FBXO38: variants seen among roughly 807,000 people sequenced by gnomAD.
FBXO38 encodes F-box only protein 38.
In FBXO38, 53 loss-of-function variants were observed where a neutral mutation model predicts 131.9. The observed-to-expected ratio is 0.40, with a 90% CI of 0.32 to 0.51. The LOEUF (loss-of-function observed/expected upper bound fraction) is 0.51, where lower values mean the gene tolerates loss of function less well. Among genes scored for constraint, FBXO38 ranks in the 20% least tolerant of loss-of-function variants. The pLI, the probability that FBXO38 is intolerant of heterozygous loss-of-function variation, is 0.53. For missense variants in FBXO38, 1,076 were observed against 1,475.6 expected, an observed-to-expected ratio of 0.73 and a Z score of 4.44; for synonymous variants, 452 against 505.6, an observed-to-expected ratio of 0.89 and a Z score of 1.42.
At chr5:148,413,118 AC>A (rs1752852615) in intron 9 of FBXO38, 1 of 152,172 alleles carries the variant, frequency 6.6e-6, no homozygotes, top group Admixed American at 6.5e-5. Flanking sequence ...AATGATCCTT[AC>A]CAGGAGCTAA....
At chr5:148,425,486 C>G (rs1211563241) in intron 13 of FBXO38, 36 bp from the exon 14 acceptor site, 2 of 1,558,766 alleles carry the variant, frequency 1.3e-6, no homozygotes, top group Non-Finnish European at 1.8e-6. Context: ...CTTTCTTGCG[C>G]AAAAAGTAAC....
At chr5:148,408,413 A>G (rs568098063) in intron 7 of FBXO38, among the ~76,000 whole-genome samples, 13 of 152,346 alleles carry the variant, frequency 8.5e-5, no homozygotes, top group Non-Finnish European at 1.5e-5. Context: ...TCACCAAAAG[A>G]CATTTTTAAG....
In FBXO38 at chr5:148,442,834, T is replaced by C. The variant is rs1033641927; in HGVS notation, c.*687T>C. The C allele has an allele frequency of 1.1e-4, 17 of 152,150 alleles. No individual in the cohort carries two copies. Among genetic ancestry groups the C allele is most frequent in the African/African-American group, 4.1e-4 (17 of 41,430 alleles). The allele number at this position is 152,150 out of a possible 1,614,324, so 9.4% of individuals were successfully genotyped here. A position where few individuals can be genotyped will look rare whatever the true frequency, so the allele number is the denominator to read the frequency against. On this transcript the variant is annotated 3_prime_UTR_variant, in exon 22 of 22. Coordinates refer to ENST00000340253, the MANE Select transcript of FBXO38 (RefSeq NM_205836.3). ...TATAAAATAAAAGTTTATTAAAAAC[T>C]TTTCTCTTGCCTTGGACCTGAATCC...
chr5:148,424,179 A>G, intron 13 of FBXO38, 62 bp downstream of exon 13: 1 of 1,510,768 alleles, frequency 6.6e-7, no homozygotes, highest in East Asian at 2.3e-5. Context: ...GTAATGAAGT[A>G]CATGAGACAG....
intron 15 of FBXO38, 32 bp from the exon 16 acceptor site, chr5:148,433,392 A>G: frequency 6.6e-7 from 1 of 1,521,548 alleles, no homozygotes; most frequent in African/African-American, 1.4e-5. Flanking sequence ...CAAGGCTAAA[A>G]TTTGGATTTT....
chr5:148,406,886 C>A (rs140736364), intron 7 of FBXO38, among the ~76,000 whole-genome samples: 26 of 152,180 alleles, frequency 1.7e-4, no homozygotes, highest in African/African-American at 6.3e-4. Context: ...AAAAGTTGTT[C>A]TGTGTATACT....
chr5:148,437,585 A>G (rs1403172743), intron 17 of FBXO38, among the ~76,000 whole-genome samples: 1 of 152,210 alleles, frequency 6.6e-6, no homozygotes, highest in Non-Finnish European at 1.5e-5. Flanking sequence ...ATCTCTCTCA[A>G]GTTGGACCTG....
At chr5:148,384,300 G>A (rs1757795871) in intron 1 of FBXO38, among the ~76,000 whole-genome samples, 1 of 152,168 alleles carries the variant, frequency 6.6e-6, no homozygotes, top group Admixed American at 6.5e-5. Context: ...CTCTCTCTGG[G>A]CCCCAGTTTC....
At chr5:148,393,626 G>A (rs560122436) in intron 1 of FBXO38, among the ~76,000 whole-genome samples, 40 of 152,132 alleles carry the variant, frequency 2.6e-4, no homozygotes, top group Admixed American at 1.8e-3. Context: ...GCTCATTTGC[G>A]TGGTTATTTA....
In FBXO38 at chr5:148,406,298, T is replaced by A; in HGVS notation, c.772T>A (p.Leu258Ile). 2 of 1,610,272 alleles carry A rather than the reference T, an allele frequency of 1.2e-6. No homozygotes were observed. The highest frequency in any genetic ancestry group is 1.7e-6 in the Non-Finnish European group (2 of 1,178,280). Residue 258 changes from leucine to isoleucine, a missense_variant, in exon 7 of 22, where the codon TTA (leucine) becomes ATA (isoleucine). Leu to Ile is a conservative substitution (Grantham distance 5). Around this residue, in one of 8 missense-constraint regions of FBXO38, gnomAD observed 66 missense variants for 72.4 expected, o/e 0.91. Coordinates refer to ENST00000340253, the MANE Select transcript of FBXO38 (RefSeq NM_205836.3). The stretch of plus-strand genomic sequence containing the variant: ...GAAATATGTCCCTTTAGTAACAGGC[T>A]TAGCCTCTGCCCGAAACTTGGAACA... ...SLKYVPLVTG[L>I]ASARNLEHLE... is the part of the protein sequence containing the mutation.
chr5:148,425,378 G>A (rs1753652343), intron 13 of FBXO38, 144 bp from the exon 14 acceptor site: 1 of 583,312 alleles, frequency 1.7e-6, no homozygotes, highest in Non-Finnish European at 3.1e-6. Context: ...TTATCCAAGT[G>A]CATTATCAGT....
At chr5:148,413,076 G>T (rs1391365883) in intron 9 of FBXO38, among the ~76,000 whole-genome samples, 1 of 152,068 alleles carries the variant, frequency 6.6e-6, no homozygotes, top group Non-Finnish European at 1.5e-5. Flanking sequence ...AAGGAAAATG[G>T]TAAGTTTCAT....
At chr5:148,434,605 G>GTATGTA (rs768714606) in intron 17 of FBXO38, 3 of 152,180 alleles carry the variant, frequency 2.0e-5, no homozygotes, top group Non-Finnish European at 4.4e-5. Context: ...TTGTGTATGT[G>GTATGTA]TATGTATACA....
chr5:148,407,042 A>G (rs1752482359), intron 7 of FBXO38, among the ~76,000 whole-genome samples: 1 of 152,254 alleles, frequency 6.6e-6, no homozygotes, highest in Admixed American at 6.5e-5. Flanking sequence ...ATGGAAAGTC[A>G]TCAAGTACCA....
rs1319750501 is a variant in FBXO38, at chr5:148,428,079, G to A, written c.2653+132G>A. ...TATTTTGGGGTTTTGTGGGTCATGT[G>A]AATTTTGAACTAATTTCAGCAATGG... On this transcript the variant is annotated intron_variant, in intron 15 of 21. Coordinates refer to ENST00000340253, the MANE Select transcript of FBXO38 (RefSeq NM_205836.3). 9.7e-6 allele frequency: 10 copies of A among 1,026,820 alleles called. No homozygotes were observed. The East Asian group carries it at 1.9e-4, about 19-fold the overall frequency. 63.6% of individuals were successfully genotyped at this position (1,026,820 alleles called of 1,614,324 possible).
Position 148,419,922 on chromosome 5 carries a change from C to G in FBXO38, c.1618+2718C>G, listed in dbSNP as rs569353361. Among the ~76,000 whole-genome samples the G allele has an allele frequency of 9.9e-5, 15 of 151,992 alleles. 1 individual carries two copies. In the South Asian group the frequency reaches 2.5e-3, roughly 25 times the overall value. The stretch of plus-strand genomic sequence containing the variant: ...CTATTTAATTTGTATAAATTAACTC[C>G]AACAAAACTATGATTTTTTGTTTCA... On this transcript the variant is annotated intron_variant, in intron 12 of 21. Transcript: ENST00000340253.
At chr5:148,387,355 ATTCAGTCACATC>A (rs538943796) in intron 1 of FBXO38, among the ~76,000 whole-genome samples, 14 of 152,190 alleles carry the variant, frequency 9.2e-5, no homozygotes, top group Non-Finnish European at 1.8e-4. Context: ...GATTGCAGCA[ATTCAGTCACATC>A]TTCAGGCTCT....
chr5:148,406,408 T>G lies in FBXO38; in HGVS notation c.868+14T>G. The G allele has an allele frequency of 6.5e-7, 1 of 1,535,450 alleles. No homozygotes were observed. Among genetic ancestry groups the G allele is most frequent in the Non-Finnish European group, 8.7e-7 (1 of 1,143,278 alleles). ...GTTGGAGATCAGGTATTCATTTTCT[T>G]TAATTACTAAATATTTTTTAAAAAT... On this transcript the variant is annotated intron_variant, in intron 7 of 21. Coordinates refer to ENST00000340253, the MANE Select transcript of FBXO38 (RefSeq NM_205836.3).
At chr5:148,423,131 C>A (rs1221084483) in intron 12 of FBXO38, among the ~76,000 whole-genome samples, 1 of 152,128 alleles carries the variant, frequency 6.6e-6, no homozygotes, top group Non-Finnish European at 1.5e-5. Context: ...AACTTTTGAA[C>A]TGTTATAGCT....
Sources: allele counts gnomAD v4.1 joint callset (sites outside exome capture counted in the v4.1 genomes callset), GRCh38; gene constraint gnomAD v4.1.1; regional missense constraint gnomAD v4.1.1; transcripts MANE v1.5; gene names NCBI Gene and HGNC (gene_info 2026-07-23, HGNC 2026-07-21).